The following CLPB variants were observed in gnomAD, a reference collection of about 807,000 sequenced individuals.
The protein encoded by CLPB is ClpB family mitochondrial disaggregase, also known as mitochondrial disaggregase.
CLPB carries 40 observed loss-of-function variants against 78.4 expected under a neutral mutation model. The ratio of observed to expected loss-of-function variants is 0.51; its 90% CI spans 0.40 to 0.66. CLPB has a LOEUF of 0.66. Among genes scored for constraint, CLPB ranks in the 30% least tolerant of loss-of-function variants. The pLI is 0.00. For missense variants in CLPB, 780 were observed against 886.9 expected (o/e 0.88, Z 1.53); for synonymous variants, 333 against 348.0 (o/e 0.96, Z 0.48).
rs141495575 is a variant in CLPB, at chr11:72,434,108, C to G, written c.367G>C (p.Val123Leu). 3.7e-6 allele frequency: 6 copies of G among 1,611,798 alleles called. No individual in the cohort carries two copies. Among genetic ancestry groups the G allele is most frequent in the Non-Finnish European group, 5.1e-6 (6 of 1,180,026 alleles). ...LGMCALAAAL[V>L]VHCYSKSPSN... ...GGACTCTTGCTGTAGCAATGAACCA[C>G]CAGCGCTGCGGCCAGGGCGCACATG... The change falls in exon 1 of 16, where the codon GTG (valine) becomes CTG (leucine). Residue 123 changes from valine to leucine, a missense_variant. Val to Leu is a conservative substitution (Grantham distance 32, BLOSUM62 1). This residue lies in a region of CLPB where 417 missense variants were observed against 414.7 expected (regional missense o/e 1.01). Coordinates refer to ENST00000538039, the MANE Select transcript of CLPB (RefSeq NM_001258392.3).
intron 4 of CLPB, among the ~76,000 whole-genome samples, chr11:72,359,961 C>G (rs1950803474): frequency 6.6e-6 from 1 of 152,168 alleles, no homozygotes; most frequent in Non-Finnish European, 1.5e-5. Context: ...ACTCCACACA[C>G]CCTGTTTACC....
intron 4 of CLPB, among the ~76,000 whole-genome samples, chr11:72,366,550 C>T (rs906374416): frequency 6.6e-6 from 1 of 152,052 alleles, no homozygotes; most frequent in Non-Finnish European, 1.5e-5. Flanking sequence ...GGAACTTAAA[C>T]AACTCAACAA....
Position 72,313,644 on chromosome 11 carries a change from T to G in CLPB, c.988+3462A>C, listed in dbSNP as rs192060472. ...GAACGAGCCCTGAATCCAGGAGGAC[T>G]GAGGAGGGCAACCTGCAGAAGGCCT... On this transcript the variant is annotated intron_variant, in intron 7 of 15. Coordinates refer to ENST00000538039, the MANE Select transcript of CLPB (RefSeq NM_001258392.3). Among the ~76,000 whole-genome samples, 11 of 152,314 alleles carry G rather than the reference T, an allele frequency of 7.2e-5. No homozygotes were observed. In the East Asian group the frequency reaches 1.9e-3, roughly 27 times the overall value.
chr11:72,339,774 G>C (rs1054726432), intron 5 of CLPB, among the ~76,000 whole-genome samples: 1 of 152,160 alleles, frequency 6.6e-6, no homozygotes, highest in Non-Finnish European at 1.5e-5. Context: ...CTTGTGCTTT[G>C]ATTACAGACC....
intron 6 of CLPB, among the ~76,000 whole-genome samples, chr11:72,320,544 C>A (rs538194245): frequency 7.2e-5 from 11 of 152,130 alleles, no homozygotes; most frequent in Admixed American, 1.3e-4. Context: ...GATATCTATG[C>A]CAATTCACTA....
chr11:72,400,474 T>C (rs1855529212), intron 3 of CLPB, among the ~76,000 whole-genome samples: 1 of 152,206 alleles, frequency 6.6e-6, no homozygotes, highest in African/African-American at 2.4e-5. Flanking sequence ...AAGAGATGTG[T>C]CCCCAAAAGC....
In CLPB at chr11:72,291,194, ACAC is replaced by A. The variant is rs1949446714; in HGVS notation, c.*2170_*2172del. 6.6e-6 allele frequency: 1 copy of A among 152,266 alleles called. No individual in the cohort carries two copies. 9.4% of individuals were successfully genotyped at this position (152,266 alleles called of 1,614,324 possible). ...TCACAGGCTGACAGAGATGAAGGAA[ACAC>A]CACAACAAAATGCAATATGGGACCC... On this transcript the variant is annotated 3_prime_UTR_variant, in exon 16 of 16. Transcript: ENST00000538039.
intron 9 of CLPB, chr11:72,304,070 G>A (rs891088960): frequency 6.6e-6 from 1 of 152,170 alleles, no homozygotes; most frequent in Non-Finnish European, 1.5e-5. Flanking sequence ...ATAGACTCTC[G>A]TGCTTACTTA....
At chr11:72,408,053 T>C (rs1400201043) in intron 2 of CLPB, 1 of 1,270,570 alleles carries the variant, frequency 7.9e-7, no homozygotes, top group Non-Finnish European at 1.1e-6. Flanking sequence ...GTCATAGGAG[T>C]TTTAGGAGGC....
rs1245597123 is a variant in CLPB at position 72,429,961 on chromosome 11, C to A, written c.455+351G>T. Among the ~76,000 whole-genome samples, 3 of 152,320 alleles carry A rather than the reference C, an allele frequency of 2.0e-5. No individual in the cohort carries two copies. The South Asian group carries it at 6.2e-4, about 32-fold the overall frequency. ...CCATAGATGCCGACCTGCAACCTGTCCAGGCAGCAAGCAGTAATACATGGC... is the reference window on the plus strand; with the variant it reads ...CCATAGATGCCGACCTGCAACCTGTACAGGCAGCAAGCAGTAATACATGGC... On this transcript the variant is annotated intron_variant, in intron 2 of 15. Coordinates refer to ENST00000538039, the MANE Select transcript of CLPB (RefSeq NM_001258392.3).
chr11:72,425,516 G>A (rs1856348194), intron 2 of CLPB, among the ~76,000 whole-genome samples: 1 of 152,036 alleles, frequency 6.6e-6, no homozygotes, highest in Non-Finnish European at 1.5e-5. Flanking sequence ...CCTCACCAGA[G>A]GGCACACGAG....
chr11:72,306,951 A>G (rs565436768), intron 9 of CLPB, among the ~76,000 whole-genome samples: 1 of 152,350 alleles, frequency 6.6e-6, no homozygotes, highest in East Asian at 1.9e-4. Context: ...CTCAAGAGTC[A>G]GGCAGGGCAA....
intron 3 of CLPB, among the ~76,000 whole-genome samples, chr11:72,395,046 T>C (rs556589813): frequency 1.3e-5 from 2 of 152,274 alleles, no homozygotes; most frequent in East Asian, 1.9e-4. Context: ...CTACTCCCTA[T>C]GTTACCAATC....
chr11:72,398,035 T>C (rs1855458190), intron 3 of CLPB, among the ~76,000 whole-genome samples: 1 of 152,246 alleles, frequency 6.6e-6, no homozygotes, highest in Non-Finnish European at 1.5e-5. Context: ...ATGACTGTCC[T>C]ATGAACAGCT....
At chr11:72,402,414 G>C (rs970540398) in intron 3 of CLPB, among the ~76,000 whole-genome samples, 12 of 152,214 alleles carry the variant, frequency 7.9e-5, no homozygotes, top group African/African-American at 2.9e-4. Context: ...TGGAGTGATT[G>C]TGAGAATTAG....
At chr11:72,319,189 T>C (rs966505633) in intron 6 of CLPB, among the ~76,000 whole-genome samples, 10 of 152,226 alleles carry the variant, frequency 6.6e-5, no homozygotes, top group African/African-American at 2.4e-4. Flanking sequence ...CTAGGGAGTC[T>C]GTTGTAAGGC....
At chr11:72,377,844 A>G (rs1854764450) in intron 4 of CLPB, among the ~76,000 whole-genome samples, 1 of 152,344 alleles carries the variant, frequency 6.6e-6, no homozygotes, top group Non-Finnish European at 1.5e-5. Context: ...TATAAATAAC[A>G]TTTTATTGAA....
intron 4 of CLPB, 37 bp from the exon 5 acceptor site, chr11:72,359,045 C>T (rs767316145): frequency 1.7e-5 from 28 of 1,610,904 alleles, no homozygotes; most frequent in Admixed American, 1.7e-5. Flanking sequence ...CCATTAGCAA[C>T]GACAGCATGA....
chr11:72,417,429 G>C (rs1021906609), intron 2 of CLPB, among the ~76,000 whole-genome samples: 2 of 152,144 alleles, frequency 1.3e-5, no homozygotes, highest in African/African-American at 4.8e-5. Flanking sequence ...CAACATCTAG[G>C]GGGAGAGGAG....
Sources: allele counts gnomAD v4.1 joint callset (sites outside exome capture counted in the v4.1 genomes callset), GRCh38; gene constraint gnomAD v4.1.1; regional missense constraint gnomAD v4.1.1; transcripts MANE v1.5; gene names NCBI Gene and HGNC (gene_info 2026-07-23, HGNC 2026-07-21).